The following YBX1 variants were observed in gnomAD, a reference collection of about 807,000 sequenced individuals.
YBX1 encodes the protein Y-box-binding protein 1.
In YBX1, 3 loss-of-function variants were observed where a neutral mutation model predicts 41.4. That is an observed-to-expected ratio of 0.07 (90% CI 0.03 to 0.19). The LOEUF is 0.19. Ranked by LOEUF, YBX1 falls within the 10% of genes least tolerant of loss-of-function variation. The pLI is 1.00. For synonymous variants in YBX1, 133 were observed against 165.8 expected (o/e 0.80, Z 1.52); for missense variants, 274 against 462.8 (o/e 0.59, Z 3.74).
At chr1:42,698,322 T>C (rs1337361465) in intron 6 of YBX1, among the ~76,000 whole-genome samples, 2 of 152,242 alleles carry the variant, frequency 1.3e-5, no homozygotes, top group African/African-American at 2.4e-5. Context: ...ATATGTCTTG[T>C]CCTGAGTTTT....
rs1340568667 is a variant in YBX1 at position 42,702,766 on chromosome 1, TCA to T, written c.*821_*822del. Among the ~76,000 whole-genome samples, 2 of 152,226 alleles carry T rather than the reference TCA, an allele frequency of 1.3e-5. No homozygotes were observed. Among genetic ancestry groups the T allele is most frequent in the Admixed American group, 6.5e-5 (1 of 15,286 alleles). ...CCAATTGAAGTGTTAGGACAACCTGTCACACTGCCTGGTGTGGTCATCAAATA... is the reference window on the plus strand; with the variant it reads ...CCAATTGAAGTGTTAGGACAACCTGTCACTGCCTGGTGTGGTCATCAAATA... On this transcript the variant is annotated 3_prime_UTR_variant, in exon 8 of 8. Transcript: ENST00000321358.
At chr1:42,688,016 T>A (rs1193924211) in intron 2 of YBX1, among the ~76,000 whole-genome samples, 1 of 152,076 alleles carries the variant, frequency 6.6e-6, no homozygotes, top group Non-Finnish European at 1.5e-5. Flanking sequence ...TAGGAGAGAT[T>A]TGTATGCTGG....
intron 3 of YBX1, among the ~76,000 whole-genome samples, chr1:42,694,824 A>C (rs1450215983): frequency 2.0e-5 from 3 of 151,942 alleles, no homozygotes; most frequent in Non-Finnish European, 4.4e-5. Flanking sequence ...ACTGTTCCTT[A>C]CTCCCCTTCT....
At chr1:42,694,820 C>G (rs1306563297) in intron 3 of YBX1, among the ~76,000 whole-genome samples, 2 of 152,168 alleles carry the variant, frequency 1.3e-5, no homozygotes, top group Middle Eastern at 3.4e-3. Flanking sequence ...CTCAACTGTT[C>G]CTTACTCCCC....
At chr1:42,695,205 TC>T (rs1396504809) in intron 3 of YBX1, among the ~76,000 whole-genome samples, 1 of 152,204 alleles carries the variant, frequency 6.6e-6, no homozygotes, top group African/African-American at 2.4e-5. Context: ...TAGTGGTGTA[TC>T]AGGGAGACTG....
rs772782377 is a variant in YBX1 at position 42,696,310 on chromosome 1, A to C, written c.354+22A>C. On this transcript the variant is annotated intron_variant, in intron 4 of 7. Coordinates refer to ENST00000321358, the MANE Select transcript of YBX1 (RefSeq NM_004559.5). This position sits in a 1 kb window ranked among gnomAD's most constrained non-coding sequence, Gnocchi z 5.7. ...AAAGGTGAGGATGCTTTTTGTGTAA[A>C]GGTTTGACTTCAGTATGGAAATATT... is the stretch of plus-strand genomic sequence containing the variant. 3.7e-6 allele frequency: 6 copies of C among 1,608,624 alleles called. No individual in the cohort carries two copies. The Admixed American group carries it at 6.8e-5, about 18-fold the overall frequency.
Position 42,682,878 on chromosome 1 carries a change from C to T in YBX1, c.166+147C>T, listed in dbSNP as rs1448008597. 3 of 329,476 alleles carry T rather than the reference C, an allele frequency of 9.1e-6. No individual in the cohort carries two copies. In the Admixed American group the frequency reaches 1.6e-4, roughly 18 times the overall value. 20.4% of individuals were successfully genotyped at this position (329,476 alleles called of 1,614,324 possible). ...GCCCATCCCCCCCGTCCCCCCCTCACTCCCTCTCGCGGGGACCCGCCCGGC... is the reference window on the plus strand; with the variant it reads ...GCCCATCCCCCCCGTCCCCCCCTCATTCCCTCTCGCGGGGACCCGCCCGGC... On this transcript the variant is annotated intron_variant, in intron 1 of 7. Transcript: ENST00000321358.
chr1:42,703,362 C>T lies in YBX1; in HGVS notation c.*1413C>T, dbSNP rs74565211. On this transcript the variant is annotated 3_prime_UTR_variant, in exon 8 of 8. Coordinates refer to ENST00000321358, the MANE Select transcript of YBX1 (RefSeq NM_004559.5). Reference sequence around the variant, plus strand: ...GCTATCAGGGCCCAGGGGAAGCAGACAGTAGGGGTCGGGAGTAGGCCAGAG... The same window carrying T: ...GCTATCAGGGCCCAGGGGAAGCAGATAGTAGGGGTCGGGAGTAGGCCAGAG... Among the ~76,000 whole-genome samples the T allele has an allele frequency of 0.094, 14,298 of 152,088 alleles. 1,001 individuals carry two copies. Among genetic ancestry groups the T allele is most frequent in the East Asian group, 0.29 (1,504 of 5,140 alleles).
At chr1:42,697,623 A>G (rs528816243) in intron 6 of YBX1, among the ~76,000 whole-genome samples, 3 of 152,332 alleles carry the variant, frequency 2.0e-5, no homozygotes, top group African/African-American at 7.2e-5. Flanking sequence ...ATCACTTGAA[A>G]TGGCATACAT....
chr1:42,684,165 A>C (rs1650133276), intron 2 of YBX1, among the ~76,000 whole-genome samples: 1 of 152,234 alleles, frequency 6.6e-6, no homozygotes, highest in Non-Finnish European at 1.5e-5. Context: ...GAGTGGCCAT[A>C]GTCACTGGTA....
At chr1:42,691,833 T>C (rs1218938721) in intron 2 of YBX1, among the ~76,000 whole-genome samples, 1 of 152,182 alleles carries the variant, frequency 6.6e-6, no homozygotes, top group Non-Finnish European at 1.5e-5. Flanking sequence ...TTAATGCAGA[T>C]AGTGCTCCCT....
At chr1:42,689,067 G>C (rs1409290134) in intron 2 of YBX1, among the ~76,000 whole-genome samples, 2 of 152,192 alleles carry the variant, frequency 1.3e-5, no homozygotes, top group African/African-American at 4.8e-5. Flanking sequence ...CACCCTCATA[G>C]ATACTGAGTT....
At chr1:42,683,236 G>C (rs1248005359) in intron 1 of YBX1, 167 bp from the exon 2 acceptor site, 1 of 788,900 alleles carries the variant, frequency 1.3e-6, no homozygotes. Context: ...TCACCCACGT[G>C]TGCGGCGGCG....
chr1:42,689,234 GT>G (rs1485151967), intron 2 of YBX1, among the ~76,000 whole-genome samples: 82 of 152,326 alleles, frequency 5.4e-4, no homozygotes, highest in African/African-American at 1.9e-3. Context: ...TCTGTTGGGT[GT>G]GAAGGGTGTT....
At position 42,682,465 on chromosome 1, in the gene YBX1, G is replaced by A. The variant is rs892176506; in HGVS notation, c.-101G>A. ...GCGGGAGCGGAGAGCGGACCCCAGA[G>A]AGCCCTGAGCAGCCCCACCGCCGCC... On this transcript the variant is annotated 5_prime_UTR_variant, in exon 1 of 8. Coordinates refer to ENST00000321358, the MANE Select transcript of YBX1 (RefSeq NM_004559.5). The A allele has an allele frequency of 1.3e-5, 17 of 1,263,430 alleles. No homozygotes were observed. The South Asian group carries it at 3.2e-4, about 24-fold the overall frequency. 78.3% of individuals were successfully genotyped at this position (1,263,430 alleles called of 1,614,324 possible).
At chr1:42,701,223 CAG>C (rs1374563657) in intron 7 of YBX1, among the ~76,000 whole-genome samples, 177 bp downstream of exon 7, 2 of 152,128 alleles carry the variant, frequency 1.3e-5, no homozygotes, top group African/African-American at 4.8e-5. Context: ...TATTGAATAT[CAG>C]AGTCATATTT....
intron 2 of YBX1, among the ~76,000 whole-genome samples, chr1:42,691,469 TA>T (rs1650325353): frequency 6.6e-6 from 1 of 152,196 alleles, no homozygotes; most frequent in Non-Finnish European, 1.5e-5. Context: ...GAGGCCCGGC[TA>T]ATTTTTTATT....
intron 5 of YBX1, 104 bp from the exon 6 acceptor site, chr1:42,697,076 C>T: frequency 2.0e-6 from 3 of 1,472,860 alleles, no homozygotes; most frequent in Middle Eastern, 1.8e-4. Flanking sequence ...GTCACAATTA[C>T]TAGATGGTCT....
At chr1:42,699,826 T>C (rs1010480143) in intron 6 of YBX1, among the ~76,000 whole-genome samples, 38 of 151,902 alleles carry the variant, frequency 2.5e-4, no homozygotes, top group African/African-American at 8.9e-4. Flanking sequence ...AGGAATTACC[T>C]AAGAAAAATA....
Sources: allele counts gnomAD v4.1 joint callset (sites outside exome capture counted in the v4.1 genomes callset), GRCh38; gene constraint gnomAD v4.1.1; non-coding constraint Gnocchi (gnomAD v3.1); transcripts MANE v1.5; gene names NCBI Gene and HGNC (gene_info 2026-07-23, HGNC 2026-07-21).